The following NCOA3 variants were observed in gnomAD, a reference collection of about 807,000 sequenced individuals.
NCOA3 encodes the protein CBP-interacting protein.
NCOA3 carries 51 observed loss-of-function variants against 158.8 expected under a neutral mutation model. That is an observed-to-expected ratio of 0.32 (90% confidence interval 0.26 to 0.41). The LOEUF (loss-of-function observed/expected upper bound fraction) is 0.41. NCOA3 is among the 10% of genes least tolerant of loss of function. The pLI is 1.00. For missense variants in NCOA3, 1,510 were observed against 1,746.6 expected (o/e 0.86, Z 2.41); for synonymous variants, 537 against 592.4 (o/e 0.91, Z 1.36).
intron 6 of NCOA3, 61 bp downstream of exon 6, chr20:47,627,237 A>C (rs1463453505): frequency 3.0e-6 from 4 of 1,326,460 alleles, no homozygotes; most frequent in Admixed American, 2.2e-5. Context: ...CATTTCTTAG[A>C]AAATTGAATG....
chr20:47,639,541 A>G, intron 14 of NCOA3, 36 bp from the exon 15 acceptor site: 1 of 1,608,096 alleles, frequency 6.2e-7, no homozygotes, highest in Non-Finnish European at 8.5e-7. Flanking sequence ...TTTCATTATA[A>G]TATGGAAAAG....
At chr20:47,502,264 T>G (rs72661169) in intron 1 of NCOA3, among the ~76,000 whole-genome samples, 1 of 152,270 alleles carries the variant, frequency 6.6e-6, no homozygotes, top group Non-Finnish European at 1.5e-5. Context: ...GCAGTCCGCT[T>G]GGGGATCCGA....
intron 1 of NCOA3, among the ~76,000 whole-genome samples, chr20:47,543,858 G>A (rs1411929406): frequency 1.3e-5 from 2 of 152,094 alleles, no homozygotes; most frequent in African/African-American, 4.8e-5. Flanking sequence ...TGTGGGTACA[G>A]TTTACATAGG....
At chr20:47,610,358 C>T (rs896462458) in intron 2 of NCOA3, among the ~76,000 whole-genome samples, 1 of 151,968 alleles carries the variant, frequency 6.6e-6, no homozygotes, top group African/African-American at 2.4e-5. Flanking sequence ...TAGCTGGGAC[C>T]ACAGGCACAT....
At position 47,627,044 on chromosome 20, in the gene NCOA3, A is replaced by G. The variant is rs775187930; in HGVS notation, c.400A>G (p.Ile134Val). The change falls in exon 6 of 23, where the codon ATT becomes GTT. Residue 134 changes from isoleucine to valine, a missense_variant. This residue lies in a region of NCOA3 where 309 missense variants were observed against 427.1 expected (regional missense o/e 0.72). Transcript: ENST00000371998. ...FLFVVNRDGN[I>V]VFVSENVTQY... ...ATTTGTGGTGAATCGAGACGGAAACATTGTATTTGTATCAGAAAATGTCAC... is the reference window on the plus strand; with the variant it reads ...ATTTGTGGTGAATCGAGACGGAAACGTTGTATTTGTATCAGAAAATGTCAC... The G allele has an allele frequency of 5.6e-6, 9 of 1,613,556 alleles. No homozygotes were observed. The highest frequency in any genetic ancestry group is 7.6e-6 in the Non-Finnish European group (9 of 1,179,792).
chr20:47,650,773 G>A (rs2086770142), intron 19 of NCOA3, among the ~76,000 whole-genome samples: 1 of 151,936 alleles, frequency 6.6e-6, no homozygotes, highest in Non-Finnish European at 1.5e-5. Flanking sequence ...TGAGGCAGAA[G>A]ACTCACTTGA....
At chr20:47,544,569 C>T (rs890112931) in intron 1 of NCOA3, among the ~76,000 whole-genome samples, 1 of 151,720 alleles carries the variant, frequency 6.6e-6, no homozygotes, top group Non-Finnish European at 1.5e-5. Context: ...GACTTAGTGC[C>T]CCCCCAATTT....
chr20:47,516,252 G>A (rs1277745781), intron 1 of NCOA3, among the ~76,000 whole-genome samples: 1 of 152,182 alleles, frequency 6.6e-6, no homozygotes, highest in Non-Finnish European at 1.5e-5. Context: ...GATGGTGATA[G>A]GGGAGGCTAC....
chr20:47,635,186 C>A, intron 10 of NCOA3, 136 bp from the exon 11 acceptor site: 1 of 818,466 alleles, frequency 1.2e-6, no homozygotes, highest in Non-Finnish European at 1.8e-6. Flanking sequence ...GCCTCAGCTT[C>A]CCAAAGTGCT....
intron 2 of NCOA3, among the ~76,000 whole-genome samples, chr20:47,605,687 G>C (rs992641173): frequency 6.6e-6 from 1 of 151,984 alleles, no homozygotes; most frequent in South Asian, 2.1e-4. Flanking sequence ...GCTCAGTTGG[G>C]TTCATGGAGT....
intron 1 of NCOA3, among the ~76,000 whole-genome samples, chr20:47,575,140 TGCTAGGCATCTTTCAGGAAGTGA>T (rs2085352567): frequency 1.3e-5 from 2 of 152,188 alleles, no homozygotes; most frequent in Non-Finnish European, 2.9e-5. Flanking sequence ...GCAGCTGCAG[TGCTAGGCATCTTTCAGGAAGTGA>T]CCTTGGCTTG....
At position 47,591,033 on chromosome 20, in the gene NCOA3, C is replaced by G. The variant is rs1447568868; in HGVS notation, c.-20+7772C>G. Among the ~76,000 whole-genome samples the G allele has an allele frequency of 2.0e-5, 3 of 152,054 alleles. No homozygotes were observed. In the East Asian group the frequency reaches 5.8e-4, roughly 29 times the overall value. ...CTGAGGCATAAGAATCACTTGAACC[C>G]CAGGGGGCAGAGGCTGCAGTGAGCC... On this transcript the variant is annotated intron_variant, in intron 2 of 22. Transcript: ENST00000371998.
At chr20:47,543,827 A>G (rs2425962) in intron 1 of NCOA3, among the ~76,000 whole-genome samples, 23,695 of 152,186 alleles carry the variant, frequency 0.16, 2,870 homozygotes, top group African/African-American at 0.33. Flanking sequence ...GCTTTTTCTA[A>G]TCAAGTATTT....
intron 1 of NCOA3, among the ~76,000 whole-genome samples, chr20:47,519,559 C>G (rs2146077211): frequency 6.6e-6 from 1 of 152,186 alleles, no homozygotes; most frequent in Admixed American, 6.5e-5. Flanking sequence ...GGAGAAAAAA[C>G]AGTATGTCTG....
chr20:47,596,223 C>T (rs2085753829), intron 2 of NCOA3, among the ~76,000 whole-genome samples: 1 of 152,164 alleles, frequency 6.6e-6, no homozygotes, highest in South Asian at 2.1e-4. Flanking sequence ...GAAAAAGTCT[C>T]ATTTGGATGT....
chr20:47,513,677 G>GA (rs2084183923), intron 1 of NCOA3, among the ~76,000 whole-genome samples: 1 of 131,706 alleles, frequency 7.6e-6, no homozygotes, highest in Non-Finnish European at 1.5e-5. Flanking sequence ...AGTGAGCCAA[G>GA]ATCGCGCCAC....
intron 2 of NCOA3, 27 bp downstream of exon 2, chr20:47,583,288 C>T (rs911303253): frequency 1.3e-5 from 5 of 398,280 alleles, no homozygotes; most frequent in Admixed American, 4.4e-5. Context: ...TTGATTTGAT[C>T]CTTTGTAATT....
At chr20:47,577,741 AAC>A (rs1213067129) in intron 1 of NCOA3, among the ~76,000 whole-genome samples, 1 of 152,252 alleles carries the variant, frequency 6.6e-6, no homozygotes, top group African/African-American at 2.4e-5. Context: ...ATTAAAATCT[AAC>A]ACAAGATCAT....
rs558676837 is a variant in NCOA3 at position 47,620,164 on chromosome 20, G to A, written c.-19-2065G>A. 2.5e-3 allele frequency among the ~76,000 whole-genome samples: 380 copies of A among 152,266 alleles called. 3 individuals are homozygous for A. The highest frequency in any genetic ancestry group is 6.8e-3 in the Middle Eastern group (2 of 294). On this transcript the variant is annotated intron_variant, in intron 2 of 22. Transcript: ENST00000371998. ...GTCTCACTCGGTCACCCAGTCTGGAGTGCATTGGCGTGATCATAACTCACT... is the reference window on the plus strand; with the variant it reads ...GTCTCACTCGGTCACCCAGTCTGGAATGCATTGGCGTGATCATAACTCACT...
Sources: gnomAD v4.1 joint callset for allele counts (sites outside exome capture counted in the v4.1 genomes callset) on GRCh38, gnomAD v4.1.1 for gene constraint, gnomAD v4.1.1 regional missense constraint, MANE v1.5 for transcripts, NCBI Gene and HGNC (gene_info 2026-07-23, HGNC 2026-07-21) for gene names.